Variants in PIKFYVE observed in about 807,000 individuals in gnomAD.
PIKFYVE encodes phosphoinositide kinase, FYVE-type zinc finger containing.
In PIKFYVE, 122 loss-of-function variants were observed where a neutral mutation model predicts 257.9. That is an observed-to-expected ratio of 0.47 (90% CI 0.41 to 0.55). The LOEUF (loss-of-function observed/expected upper bound fraction) is 0.55, where lower values mean the gene tolerates loss of function less well. PIKFYVE is among the 20% of genes least tolerant of loss of function. PIKFYVE has a pLI of 0.00. For synonymous variants in PIKFYVE, 892 were observed against 868.9 expected (o/e 1.03, Z -0.47); for missense variants, 2,160 against 2,536.6 (o/e 0.85, Z 3.19).
At position 208,335,203 on chromosome 2, in the gene PIKFYVE, TC is replaced by T. The variant is rs913208829; in HGVS notation, c.4143-101del. 6.5e-5 allele frequency: 51 copies of T among 790,214 alleles called. No homozygotes were observed. The African/African-American group carries it at 7.9e-4, about 12-fold the overall frequency. The allele number at this position is 790,214 out of a possible 1,614,324, so 49.0% of individuals were successfully genotyped here. ...TAAAATACGATTTTATAGAAACTTT[TC>T]CTCTTATGCCTCATAGAATATAGTT... On this transcript the variant is annotated intron_variant, in intron 24 of 41. Coordinates refer to ENST00000264380, the MANE Select transcript of PIKFYVE (RefSeq NM_015040.4).
chr2:208,280,986 A>G (rs1690733075), intron 5 of PIKFYVE, among the ~76,000 whole-genome samples: 1 of 152,152 alleles, frequency 6.6e-6, no homozygotes, highest in Non-Finnish European at 1.5e-5. Context: ...AGTGATCCCC[A>G]TTGCATTTAG....
At chr2:208,274,163 C>T in intron 3 of PIKFYVE, 1 of 1,215,106 alleles carries the variant, frequency 8.2e-7, no homozygotes, top group Non-Finnish European at 1.2e-6. Flanking sequence ...ATTGGGCTGC[C>T]ACTTGCTCTT....
chr2:208,313,739 C>T (rs1282133279), intron 13 of PIKFYVE, among the ~76,000 whole-genome samples: 2 of 152,064 alleles, frequency 1.3e-5, no homozygotes, highest in African/African-American at 4.8e-5. Flanking sequence ...TGTGCCAACA[C>T]GCCCAGCTAA....
intron 24 of PIKFYVE, 100 bp downstream of exon 24, chr2:208,333,593 G>T: frequency 7.6e-7 from 1 of 1,312,756 alleles, no homozygotes; most frequent in Non-Finnish European, 1.1e-6. Context: ...TAATTTGTGG[G>T]ATTCCCCATT....
At chr2:208,347,751 ATTAGCTTCATATAGTGGTT>A in intron 34 of PIKFYVE, 89 bp from the exon 35 acceptor site, 1 of 927,974 alleles carries the variant, frequency 1.1e-6, no homozygotes, top group East Asian at 2.6e-5. Flanking sequence ...ACTCAGATTG[ATTAGCTTCATATAGTGGTT>A]ACAACTAACA....
At chr2:208,284,134 C>G (rs1691220046) in intron 5 of PIKFYVE, among the ~76,000 whole-genome samples, 1 of 151,898 alleles carries the variant, frequency 6.6e-6, no homozygotes, top group South Asian at 2.1e-4. Flanking sequence ...CAGAATCACT[C>G]AAAACAATGT....
intron 7 of PIKFYVE, among the ~76,000 whole-genome samples, chr2:208,295,616 A>G (rs1466717444): frequency 6.6e-6 from 1 of 152,154 alleles, no homozygotes; most frequent in Non-Finnish European, 1.5e-5. Context: ...TGGGCTGTGG[A>G]GTTTTGGGGC....
At chr2:208,317,434 T>TC (rs1695667022) in intron 15 of PIKFYVE, among the ~76,000 whole-genome samples, 1 of 151,758 alleles carries the variant, frequency 6.6e-6, no homozygotes, top group Non-Finnish European at 1.5e-5. Context: ...AATGCGATTT[T>TC]TTTTTTAAGC....
intron 3 of PIKFYVE, among the ~76,000 whole-genome samples, chr2:208,275,338 G>C (rs1224517680): frequency 6.6e-6 from 1 of 152,218 alleles, no homozygotes; most frequent in Non-Finnish European, 1.5e-5. Context: ...TTCAGCGGAT[G>C]ATGCTATTAC....
chr2:208,317,458 T>G (rs1318674568), intron 15 of PIKFYVE, among the ~76,000 whole-genome samples: 2 of 151,898 alleles, frequency 1.3e-5, no homozygotes, highest in Non-Finnish European at 2.9e-5. Flanking sequence ...TCAGCTGTTA[T>G]TAGTGGATTT....
At chr2:208,274,756 A>T (rs1222167498) in intron 3 of PIKFYVE, among the ~76,000 whole-genome samples, 6 of 152,174 alleles carry the variant, frequency 3.9e-5, no homozygotes, top group African/African-American at 1.4e-4. Context: ...TTTATTCCAG[A>T]TAATCTCTAT....
chr2:208,283,427 T>C (rs1159580699), intron 5 of PIKFYVE, among the ~76,000 whole-genome samples: 1 of 152,226 alleles, frequency 6.6e-6, no homozygotes, highest in African/African-American at 2.4e-5. Context: ...ATGAAAACTT[T>C]TATGATTAGG....
rs535420114 is a variant in PIKFYVE at position 208,288,526 on chromosome 2, G to A, written c.822-203G>A. On this transcript the variant is annotated intron_variant, in intron 6 of 41. Transcript: ENST00000264380. ...AAAAACTTTTTAAAATTGTCATTTC[G>A]GCATTTTATATTCTTAAAAGCCATG... Among the ~76,000 whole-genome samples the A allele has an allele frequency of 3.3e-5, 5 of 151,936 alleles. No individual in the cohort carries two copies. In the South Asian group the frequency reaches 8.3e-4, roughly 25 times the overall value.
At chr2:208,322,169 C>T (rs1366080536) in intron 17 of PIKFYVE, among the ~76,000 whole-genome samples, 8 of 151,962 alleles carry the variant, frequency 5.3e-5, no homozygotes, top group African/African-American at 1.9e-4. Context: ...TGCTTGAGGC[C>T]AGGAGTTCAA....
chr2:208,350,816 C>A lies in PIKFYVE; in HGVS notation c.5480C>A (p.Ala1827Glu). The A allele has an allele frequency of 6.2e-7, 1 of 1,614,082 alleles. No individual in the cohort carries two copies. The highest frequency in any genetic ancestry group is 8.5e-7 in the Non-Finnish European group (1 of 1,180,012). Residue 1827 changes from alanine to glutamate, a missense_variant, in exon 37 of 42, where the codon GCG becomes GAG. Ala to Glu is a moderately radical substitution (Grantham distance 107). This residue lies in a region of PIKFYVE where 699 missense variants were observed against 855.8 expected (regional missense o/e 0.82). Transcript: ENST00000264380. The stretch of plus-strand genomic sequence containing the variant: ...AAGTTTTACTGTCGGCTCTACTATG[C>A]GGGAGAGTTTCATAAGATGCGTGAA... ...NAKFYCRLYY[A>E]GEFHKMREVI...
rs1696653653 is a variant in PIKFYVE, at chr2:208,324,279, G to T, written c.2328G>T (p.Lys776Asn). Residue 776 changes from lysine to asparagine, a missense_variant, in exon 18 of 42, where the codon AAG becomes AAT. By Grantham distance (94) the Lys-to-Asn change is moderately conservative (BLOSUM62 0). Transcript: ENST00000264380. ...EHGITLVINVKSQVLERISRM... is the reference protein window; with the variant it reads ...EHGITLVINVNSQVLERISRM... ...GCATTACTTTGGTCATTAATGTAAA[G>T]TCAGTGAGTGTTTTTAATTTTCTAT... The T allele has an allele frequency of 6.2e-7, 1 of 1,613,524 alleles. No individual in the cohort carries two copies. The highest frequency in any genetic ancestry group is 1.3e-5 in the African/African-American group (1 of 74,876).
Position 208,304,959 on chromosome 2 carries a change from A to G in PIKFYVE, c.1582A>G (p.Ile528Val), listed in dbSNP as rs1694146478. 3.7e-6 allele frequency: 6 copies of G among 1,614,072 alleles called. No individual in the cohort carries two copies. The highest frequency in any genetic ancestry group is 5.1e-6 in the Non-Finnish European group (6 of 1,180,002). The change falls in exon 12 of 42, where the codon ATC (isoleucine) becomes GTC (valine). Residue 528 changes from isoleucine (I) to valine (V), a missense_variant. Physicochemically the swap from Ile to Val is conservative, Grantham distance 29. This residue lies in a region of PIKFYVE where 346 missense variants were observed against 365.6 expected (regional missense o/e 0.95). Transcript: ENST00000264380. ...NVELDNVNFH[I>V]KKPSKYPHVP... ...GGAGCTGGACAACGTGAACTTCCAT[A>G]TCAAGAAGCCCTCCAAGTACCCACA...
intron 17 of PIKFYVE, among the ~76,000 whole-genome samples, chr2:208,322,783 A>T (rs6414168): frequency 1.4e-5 from 2 of 147,674 alleles, no homozygotes; most frequent in African/African-American, 5.0e-5. Context: ...TGCCATGTTC[A>T]TGTGTTGCAC....
intron 23 of PIKFYVE, among the ~76,000 whole-genome samples, chr2:208,331,410 C>T (rs749971962): frequency 3.3e-5 from 5 of 152,086 alleles, no homozygotes; most frequent in Non-Finnish European, 5.9e-5. Flanking sequence ...CAGAGTCTTG[C>T]TCTATCGCCC....
Sources: gnomAD v4.1 joint callset for allele counts (sites outside exome capture counted in the v4.1 genomes callset) on GRCh38, gnomAD v4.1.1 for gene constraint, gnomAD v4.1.1 regional missense constraint, MANE v1.5 for transcripts, NCBI Gene and HGNC (gene_info 2026-07-23, HGNC 2026-07-21) for gene names.